SORCS1: variants seen among roughly 807,000 people sequenced by gnomAD.
SORCS1 encodes the protein VPS10 domain-containing receptor SorCS1.
A neutral mutation model predicts 146.1 loss-of-function variants in SORCS1; 60 were observed. That is an observed-to-expected ratio of 0.41 (90% confidence interval 0.33 to 0.51). SORCS1 has a LOEUF of 0.51. Ranked by LOEUF, SORCS1 falls within the 20% of genes least tolerant of loss-of-function variation. The pLI is 0.21. For missense variants in SORCS1, 1,352 were observed against 1,487.6 expected (o/e 0.91, Z 1.50); for synonymous variants, 637 against 584.0 (o/e 1.09, Z -1.31).
intron 16 of SORCS1, 104 bp downstream of exon 16, chr10:106,671,133 C>G: frequency 2.7e-6 from 4 of 1,496,614 alleles, no homozygotes; most frequent in Non-Finnish European, 3.6e-6. Flanking sequence ...AAGCTGGCCA[C>G]TTAGCCCTAT....
chr10:106,980,410 A>G (rs1332731857), intron 1 of SORCS1, among the ~76,000 whole-genome samples: 1 of 152,242 alleles, frequency 6.6e-6, no homozygotes, highest in Non-Finnish European at 1.5e-5. Context: ...TTGGAGAACA[A>G]TAGTAGGTAG....
At chr10:107,167,259 T>A (rs1019622123), upstream of SORCS1, among the ~76,000 whole-genome samples, 7 of 152,336 alleles carry the variant, frequency 4.6e-5, no homozygotes, top group South Asian at 2.1e-4. Flanking sequence ...TCCTAAATTA[T>A]TCCCCTTATC....
At position 107,133,437 on chromosome 10, in the gene SORCS1, G is replaced by A. The variant is rs568005091; in HGVS notation, c.558+30532C>T. ...AGAGAAAGTCCCTCCTGTGTTTCAG[G>A]AGGGAAGGGTAGAATGCCGGAGAAG... On this transcript the variant is annotated intron_variant, in intron 1 of 25. Transcript: ENST00000263054. Among the ~76,000 whole-genome samples the A allele has an allele frequency of 1.2e-4, 19 of 152,220 alleles. No individual in the cohort carries two copies. In the East Asian group the frequency reaches 3.1e-3, roughly 25 times the overall value.
At chr10:106,789,083 C>T (rs558011321) in intron 3 of SORCS1, among the ~76,000 whole-genome samples, 1 of 152,326 alleles carries the variant, frequency 6.6e-6, no homozygotes, top group Non-Finnish European at 1.5e-5. Context: ...TTGCACCCTC[C>T]ACAGCAATGG....
intron 2 of SORCS1, among the ~76,000 whole-genome samples, chr10:106,852,792 T>C (rs1369966390): frequency 6.6e-6 from 1 of 152,194 alleles, no homozygotes; most frequent in African/African-American, 2.4e-5. Context: ...ATTACATTAA[T>C]TGATTTTTGA....
intron 5 of SORCS1, among the ~76,000 whole-genome samples, chr10:106,758,082 A>C (rs548122611): frequency 4.4e-4 from 67 of 152,338 alleles, no homozygotes; most frequent in African/African-American, 1.6e-3. Flanking sequence ...TTAACACATC[A>C]ATCAGAATTC....
intron 3 of SORCS1, among the ~76,000 whole-genome samples, chr10:106,816,127 C>A (rs939201303): frequency 1.3e-5 from 2 of 152,120 alleles, no homozygotes; most frequent in Non-Finnish European, 2.9e-5. Context: ...AGCATCAAAC[C>A]CTTAGCACAA....
intron 1 of SORCS1, among the ~76,000 whole-genome samples, chr10:106,996,756 T>C (rs751820269): frequency 2.0e-5 from 3 of 152,160 alleles, no homozygotes; most frequent in Admixed American, 6.5e-5. Context: ...GCCTGCATAA[T>C]GTGATTAGTG....
chr10:106,702,992 G>GAA (rs1854241492), intron 8 of SORCS1, among the ~76,000 whole-genome samples: 1 of 152,130 alleles, frequency 6.6e-6, no homozygotes. Context: ...CTTATTGGAT[G>GAA]TTCTAAACCT....
intron 2 of SORCS1, among the ~76,000 whole-genome samples, chr10:106,925,541 T>C (rs1486270396): frequency 6.6e-6 from 1 of 152,172 alleles, no homozygotes; most frequent in Non-Finnish European, 1.5e-5. Flanking sequence ...CAAGACAAAG[T>C]CAGATTGAGT....
intron 24 of SORCS1, among the ~76,000 whole-genome samples, chr10:106,595,688 A>T (rs1845864991): frequency 6.6e-6 from 1 of 152,202 alleles, no homozygotes; most frequent in African/African-American, 2.4e-5. Flanking sequence ...AGCCTCGTGA[A>T]ATCTCCAGGA....
upstream of SORCS1, among the ~76,000 whole-genome samples, chr10:107,167,839 C>G (rs1970088475): frequency 6.6e-6 from 1 of 151,558 alleles, no homozygotes. Context: ...GAGACAGAAG[C>G]AGATAGAGAA....
intron 18 of SORCS1, among the ~76,000 whole-genome samples, chr10:106,630,891 C>G (rs1182107335): frequency 6.6e-6 from 1 of 151,278 alleles, no homozygotes; most frequent in Admixed American, 6.6e-5. Flanking sequence ...AGTTTAGATT[C>G]TTAAGGAAAA....
At chr10:106,686,610 T>C (rs913886162) in intron 10 of SORCS1, among the ~76,000 whole-genome samples, 30 of 152,336 alleles carry the variant, frequency 2.0e-4, no homozygotes, top group African/African-American at 6.7e-4. Flanking sequence ...AAATAGCTGC[T>C]ACATTTACTT....
At chr10:106,991,507 G>A (rs1956770577) in intron 1 of SORCS1, among the ~76,000 whole-genome samples, 1 of 152,214 alleles carries the variant, frequency 6.6e-6, no homozygotes, top group Non-Finnish European at 1.5e-5. Flanking sequence ...GATTTTCTCT[G>A]AACAGATCTT....
At chr10:106,940,219 A>C (rs768972619) in intron 2 of SORCS1, among the ~76,000 whole-genome samples, 1 of 152,222 alleles carries the variant, frequency 6.6e-6, no homozygotes, top group Non-Finnish European at 1.5e-5. Flanking sequence ...ATTTGAGTAA[A>C]CTATATTCTG....
intron 3 of SORCS1, among the ~76,000 whole-genome samples, chr10:106,826,718 C>A (rs1948323850): frequency 6.6e-6 from 1 of 152,170 alleles, no homozygotes; most frequent in African/African-American, 2.4e-5. Context: ...TTAAATCTAT[C>A]AGCATCTCAG....
At chr10:107,161,340 C>A (rs990887230) in intron 1 of SORCS1, among the ~76,000 whole-genome samples, 1 of 152,164 alleles carries the variant, frequency 6.6e-6, no homozygotes. Flanking sequence ...CTGAATGGGT[C>A]TGGGGGCAGA....
intron 2 of SORCS1, among the ~76,000 whole-genome samples, chr10:106,868,869 G>A (rs1240113337): frequency 6.6e-6 from 1 of 152,036 alleles, no homozygotes; most frequent in Non-Finnish European, 1.5e-5. Flanking sequence ...ATCACGACAT[G>A]AAAAACTATT....
Sources: gnomAD v4.1 joint callset for allele counts (sites outside exome capture counted in the v4.1 genomes callset) on GRCh38, gnomAD v4.1.1 for gene constraint, MANE v1.5 for transcripts, NCBI Gene and HGNC (gene_info 2026-07-23, HGNC 2026-07-21) for gene names.